Variants in ESRRG observed in about 807,000 individuals in gnomAD.
ESRRG encodes the protein estrogen-related receptor gamma.
Under a neutral mutation model 44.0 loss-of-function variants are expected in ESRRG, and 13 were observed. The ratio of observed to expected loss-of-function variants is 0.30; its 90% confidence interval spans 0.19 to 0.47. ESRRG has a LOEUF of 0.47. ESRRG is among the 20% of genes least tolerant of loss of function. The probability of loss-of-function intolerance (pLI) is 1.00; values close to 1 mark genes in which losing one functional copy is unlikely to be tolerated. For missense variants in ESRRG, 395 were observed against 580.6 expected (o/e 0.68, Z 3.29); for synonymous variants, 215 against 214.6 (o/e 1.00, Z -0.02).
intron 1 of ESRRG, among the ~76,000 whole-genome samples, chr1:217,099,836 A>G (rs1314568491): frequency 2.0e-5 from 3 of 152,208 alleles, no homozygotes; most frequent in Non-Finnish European, 4.4e-5. Flanking sequence ...CAATTCAAAC[A>G]TAAGCAGGGG....
At chr1:216,682,794 C>G (rs1287862618) in intron 1 of ESRRG, among the ~76,000 whole-genome samples, 2 of 149,754 alleles carry the variant, frequency 1.3e-5, no homozygotes, top group Non-Finnish European at 3.0e-5. Context: ...CCCGGAGGTA[C>G]AGGCTTCAGA....
intron 2 of ESRRG, among the ~76,000 whole-genome samples, chr1:216,806,528 C>T (rs55703041): frequency 0.03 from 4,509 of 152,232 alleles, 83 homozygotes; most frequent in Middle Eastern, 0.058. Context: ...TGCTTATCAA[C>T]GTGAGGCATG....
intron 1 of ESRRG, among the ~76,000 whole-genome samples, chr1:217,081,911 C>T (rs1396781500): frequency 4.6e-5 from 7 of 152,122 alleles, no homozygotes; most frequent in South Asian, 2.1e-4. Flanking sequence ...CAATGACAGG[C>T]GATATTTGAG....
Position 217,031,983 on chromosome 1 carries a change from G to A in ESRRG, c.-106+57524C>T, listed in dbSNP as rs139883557. On this transcript the variant is annotated intron_variant, in intron 1 of 7. Coordinates refer to the ESRRG transcript ENST00000359162. The stretch of plus-strand genomic sequence containing the variant: ...CAGCATGAGAACAGACTAATCCACC[G>A]ACTGCCCCAGTTTGCCAGGATCAAG... 2.0e-4 allele frequency among the ~76,000 whole-genome samples: 30 copies of A among 152,174 alleles called. No individual in the cohort carries two copies. The East Asian group carries it at 2.9e-3, about 15-fold the overall frequency.
At chr1:216,525,231 A>T (rs1441661121) in intron 5 of ESRRG, among the ~76,000 whole-genome samples, 4 of 152,048 alleles carry the variant, frequency 2.6e-5, no homozygotes, top group African/African-American at 9.7e-5. Flanking sequence ...AGTTTTTTTT[A>T]ACAACTGCCA....
chr1:216,674,480 A>T (rs2075750960), intron 2 of ESRRG, among the ~76,000 whole-genome samples: 1 of 152,182 alleles, frequency 6.6e-6, no homozygotes, highest in Non-Finnish European at 1.5e-5. Flanking sequence ...TGTTTAGGAC[A>T]TTCATATGTA....
intron 1 of ESRRG, among the ~76,000 whole-genome samples, chr1:217,026,888 T>TAC (rs71163785): frequency 0.015 from 1,534 of 105,260 alleles, 39 homozygotes; most frequent in African/African-American, 0.047. Flanking sequence ...CACACACACA[T>TAC]ACACACACAC....
intron 1 of ESRRG, among the ~76,000 whole-genome samples, chr1:217,055,461 A>G (rs1353163150): frequency 6.6e-6 from 1 of 152,130 alleles, no homozygotes; most frequent in Non-Finnish European, 1.5e-5. Flanking sequence ...TTGGGCAGGA[A>G]AAAAACTGCA....
chr1:216,662,571 C>T (rs2072776165), intron 2 of ESRRG, among the ~76,000 whole-genome samples: 1 of 152,056 alleles, frequency 6.6e-6, no homozygotes, highest in East Asian at 1.9e-4. Flanking sequence ...AAGTGCCTCG[C>T]ATCCCCCAGG....
At chr1:216,567,920 C>T (rs1291749010) in intron 4 of ESRRG, 68 bp downstream of exon 4, 19 of 990,250 alleles carry the variant, frequency 1.9e-5, no homozygotes, top group Non-Finnish European at 2.9e-5. Context: ...CATGCCAAAG[C>T]TGATGTACAT....
chr1:217,020,021 C>T (rs1299240057), intron 1 of ESRRG, among the ~76,000 whole-genome samples: 7 of 152,158 alleles, frequency 4.6e-5, no homozygotes, highest in Non-Finnish European at 7.3e-5. Context: ...ATCCCTAATA[C>T]TACTTGCCAT....
At chr1:216,765,227 G>A (rs556346776) in intron 2 of ESRRG, among the ~76,000 whole-genome samples, 2 of 152,192 alleles carry the variant, frequency 1.3e-5, no homozygotes, top group South Asian at 2.1e-4. Context: ...GCTGGAGGCA[G>A]GAAGGGAGAA....
At chr1:216,987,490 T>C (rs554366453) in intron 1 of ESRRG, among the ~76,000 whole-genome samples, 14 of 152,302 alleles carry the variant, frequency 9.2e-5, no homozygotes, top group African/African-American at 3.4e-4. Context: ...GATGATACCA[T>C]TACAATCCTA....
chr1:216,755,555 T>C (rs968304657), intron 2 of ESRRG, among the ~76,000 whole-genome samples: 10 of 152,020 alleles, frequency 6.6e-5, no homozygotes, highest in African/African-American at 2.4e-4. Context: ...ATAAAATTCC[T>C]TTTTACTCCT....
intron 2 of ESRRG, among the ~76,000 whole-genome samples, chr1:216,799,267 A>G (rs1029964871): frequency 2.6e-5 from 4 of 152,020 alleles, no homozygotes; most frequent in South Asian, 4.1e-4. Flanking sequence ...TCATTCCTAA[A>G]CATTTCACAT....
At chr1:216,974,240 A>G (rs1292460098) in intron 1 of ESRRG, among the ~76,000 whole-genome samples, 1 of 152,216 alleles carries the variant, frequency 6.6e-6, no homozygotes, top group Non-Finnish European at 1.5e-5. Context: ...AATGTTCCCA[A>G]AACAAAGAAA....
At chr1:216,799,973 T>C (rs886185260) in intron 2 of ESRRG, among the ~76,000 whole-genome samples, 3 of 152,058 alleles carry the variant, frequency 2.0e-5, no homozygotes, top group Admixed American at 6.6e-5. Flanking sequence ...TATTTGCAAA[T>C]AAAAATATCC....
At chr1:216,806,342 C>CATGT (rs2148392170) in intron 2 of ESRRG, among the ~76,000 whole-genome samples, 1 of 152,256 alleles carries the variant, frequency 6.6e-6, no homozygotes, top group Non-Finnish European at 1.5e-5. Flanking sequence ...TTTGAAATGT[C>CATGT]ATGTTGCTGC....
chr1:216,954,892 G>C (rs1318196711), intron 1 of ESRRG, among the ~76,000 whole-genome samples: 2 of 151,914 alleles, frequency 1.3e-5, no homozygotes, highest in Non-Finnish European at 2.9e-5. Flanking sequence ...TATGGAGTTG[G>C]GTTTCTGTTC....
Sources: allele counts gnomAD v4.1 joint callset (sites outside exome capture counted in the v4.1 genomes callset), GRCh38; gene constraint gnomAD v4.1.1; transcripts MANE v1.5; gene names NCBI Gene and HGNC (gene_info 2026-07-23, HGNC 2026-07-21).